HSPBAP1: variants seen among roughly 807,000 people sequenced by gnomAD.
HSPBAP1 encodes HSPB1-associated protein 1.
In HSPBAP1, 27 loss-of-function variants were observed where a neutral mutation model predicts 45.2. That is an observed-to-expected ratio of 0.60 (90% CI 0.44 to 0.82). The LOEUF is 0.82. HSPBAP1 is among the 40% of genes least tolerant of loss of function. The pLI is 0.00. For missense variants in HSPBAP1, 510 were observed against 590.9 expected (o/e 0.86, Z 1.42); for synonymous variants, 204 against 202.7 (o/e 1.01, Z -0.06).
chr3:122,753,713 G>A, intron 5 of HSPBAP1: 2 of 984,508 alleles, frequency 2.0e-6, no homozygotes, highest in Non-Finnish European at 2.4e-6. Context: ...TAGAAAGAGA[G>A]ATCCTTTCAG....
In HSPBAP1 at chr3:122,752,624, AG is replaced by A; in HGVS notation, c.791del (p.Pro264LeufsTer6). The A allele has an allele frequency of 1.2e-6, 2 of 1,605,306 alleles. No individual in the cohort carries two copies. Among genetic ancestry groups the A allele is most frequent in the Non-Finnish European group, 1.7e-6 (2 of 1,176,876 alleles). ...TCCATGAGTTTATACTGACAGTGAC[AG>A]GATCAATGGATTCTACGTAATGCCA... is the stretch of plus-strand genomic sequence containing the variant. ...HWWHYVESID[P>X]VTVSINSWIE... On this transcript the variant is annotated frameshift_variant, in exon 6 of 8. Coordinates refer to ENST00000306103, the MANE Select transcript of HSPBAP1 (RefSeq NM_024610.6). LOFTEE classifies it high-confidence loss of function.
intron 1 of HSPBAP1, among the ~76,000 whole-genome samples, chr3:122,789,911 G>A (rs1560174670): frequency 4.0e-5 from 6 of 149,110 alleles, no homozygotes; most frequent in African/African-American, 2.5e-5. Context: ...TGCTCAGGCT[G>A]GAGTGCCATA....
intron 1 of HSPBAP1, among the ~76,000 whole-genome samples, chr3:122,778,364 C>G (rs556940717): frequency 6.6e-6 from 1 of 151,512 alleles, no homozygotes; most frequent in Non-Finnish European, 1.5e-5. Flanking sequence ...CTGAAAAGAA[C>G]AAATTGATTG....
At chr3:122,791,264 G>A (rs1935819711) in intron 1 of HSPBAP1, among the ~76,000 whole-genome samples, 1 of 152,178 alleles carries the variant, frequency 6.6e-6, no homozygotes, top group Admixed American at 6.5e-5. Context: ...AGCTCTTTAA[G>A]GCTTCCTACT....
intron 2 of HSPBAP1, among the ~76,000 whole-genome samples, chr3:122,773,813 AC>A (rs1935094768): frequency 6.8e-6 from 1 of 148,104 alleles, no homozygotes; most frequent in African/African-American, 2.5e-5. Flanking sequence ...ATTTTTTTAT[AC>A]TTTTTGTAGA....
intron 5 of HSPBAP1, chr3:122,752,881 A>G (rs921721989): frequency 7.6e-7 from 1 of 1,321,296 alleles, no homozygotes; most frequent in East Asian, 3.0e-5. Context: ...CATGTTCTAC[A>G]AAGGATACTG....
At chr3:122,779,843 G>C (rs1935347235) in intron 1 of HSPBAP1, among the ~76,000 whole-genome samples, 1 of 152,002 alleles carries the variant, frequency 6.6e-6, no homozygotes, top group Non-Finnish European at 1.5e-5. Context: ...CAGATCAACA[G>C]GATACCAAGG....
At chr3:122,752,560 TAA>T (rs56192340) in intron 6 of HSPBAP1, 29 bp downstream of exon 6, 68,168 of 1,050,776 alleles carry the variant, frequency 0.065, 15 homozygotes, top group South Asian at 0.079. Context: ...TGCACTTACT[TAA>T]AAAAAAAAAA....
intron 3 of HSPBAP1, among the ~76,000 whole-genome samples, chr3:122,765,048 T>G (rs2107519276): frequency 6.6e-6 from 1 of 152,314 alleles, no homozygotes; most frequent in Admixed American, 6.5e-5. Context: ...GATTTGGTAA[T>G]GAATAATGGC....
At chr3:122,791,856 T>C (rs1935839733) in intron 1 of HSPBAP1, among the ~76,000 whole-genome samples, 1 of 152,192 alleles carries the variant, frequency 6.6e-6, no homozygotes, top group African/African-American at 2.4e-5. Flanking sequence ...GGCAATGTAA[T>C]TCGCTGAAGA....
Position 122,740,331 on chromosome 3 carries a change from A to G in HSPBAP1, c.*14T>C. 3 of 1,510,672 alleles carry G rather than the reference A, an allele frequency of 2.0e-6. No homozygotes were observed. Among genetic ancestry groups the G allele is most frequent in the Non-Finnish European group, 2.7e-6 (3 of 1,119,074 alleles). 93.6% of individuals were successfully genotyped at this position (1,510,672 alleles called of 1,614,324 possible). On this transcript the variant is annotated 3_prime_UTR_variant, in exon 8 of 8. Transcript: ENST00000306103. ...TTTAAAAAATATTATTTTAAAAGTC[A>G]TCTTCCACTTGAATCATAAACTTCT...
rs548073423 is a variant in HSPBAP1 at position 122,762,761 on chromosome 3, A to G, written c.433-3401T>C. 7.2e-5 allele frequency among the ~76,000 whole-genome samples: 11 copies of G among 152,294 alleles called. No individual in the cohort carries two copies. The South Asian group carries it at 1.5e-3, about 20-fold the overall frequency. Reference sequence around the variant, plus strand: ...ATTTGTATGAGTTAAATCCTTTTAAATTATTGAAACTTGTTTTATGGCCCA... The same window carrying G: ...ATTTGTATGAGTTAAATCCTTTTAAGTTATTGAAACTTGTTTTATGGCCCA... On this transcript the variant is annotated intron_variant, in intron 3 of 7. Coordinates refer to ENST00000306103, the MANE Select transcript of HSPBAP1 (RefSeq NM_024610.6).
intron 6 of HSPBAP1, among the ~76,000 whole-genome samples, chr3:122,750,553 A>ATCTATCTATCTATCT (rs56143835): frequency 6.9e-5 from 6 of 86,410 alleles, no homozygotes; most frequent in Non-Finnish European, 5.5e-5. Flanking sequence ...CTATCTATCT[A>ATCTATCTATCTATCT]ATCTATCTAT....
At chr3:122,744,945 A>G (rs1344513278) in intron 6 of HSPBAP1, among the ~76,000 whole-genome samples, 1 of 130,796 alleles carries the variant, frequency 7.6e-6, no homozygotes, top group African/African-American at 3.4e-5. Flanking sequence ...AAAGAAGAAT[A>G]TTATGTAATC....
At chr3:122,775,281 C>T (rs1323822877) in intron 2 of HSPBAP1, among the ~76,000 whole-genome samples, 1 of 152,060 alleles carries the variant, frequency 6.6e-6, no homozygotes, top group East Asian at 1.9e-4. Flanking sequence ...ATATAAAGAA[C>T]TCTTATAACT....
At chr3:122,772,318 T>A (rs898020640) in intron 2 of HSPBAP1, among the ~76,000 whole-genome samples, 1 of 152,152 alleles carries the variant, frequency 6.6e-6, no homozygotes, top group African/African-American at 2.4e-5. Flanking sequence ...TTCATTTAGA[T>A]GTATAAAATT....
chr3:122,756,990 T>G (rs1342550237), intron 4 of HSPBAP1, among the ~76,000 whole-genome samples: 1 of 152,150 alleles, frequency 6.6e-6, no homozygotes, highest in Non-Finnish European at 1.5e-5. Flanking sequence ...TGTCACTCAC[T>G]GGGGTAGTGG....
At chr3:122,778,279 CTTA>C (rs1278618328) in intron 1 of HSPBAP1, among the ~76,000 whole-genome samples, 2 of 146,790 alleles carry the variant, frequency 1.4e-5, no homozygotes, top group African/African-American at 2.5e-5. Flanking sequence ...TATGATTTAA[CTTA>C]TTAACAATAA....
chr3:122,780,175 C>T (rs1935369951), intron 1 of HSPBAP1, among the ~76,000 whole-genome samples: 1 of 96,996 alleles, frequency 1.0e-5, no homozygotes, highest in Non-Finnish European at 2.4e-5. Context: ...GGCGGCTGGC[C>T]GGGCGGGGGG....
Sources: allele counts gnomAD v4.1 joint callset (sites outside exome capture counted in the v4.1 genomes callset), GRCh38; gene constraint gnomAD v4.1.1; transcripts MANE v1.5; gene names NCBI Gene and HGNC (gene_info 2026-07-23, HGNC 2026-07-21).